The following EFEMP1 variants were observed in gnomAD, a reference collection of about 807,000 sequenced individuals.
EFEMP1 encodes the protein EGF-containing fibulin-like extracellular matrix protein 1.
In EFEMP1, 18 loss-of-function variants were observed where a neutral mutation model predicts 65.7. The observed-to-expected ratio is 0.27, with a 90% confidence interval of 0.19 to 0.41. The LOEUF (loss-of-function observed/expected upper bound fraction) is 0.41. EFEMP1 is among the 10% of genes least tolerant of loss of function. The pLI is 1.00. For missense variants in EFEMP1, 469 were observed against 624.8 expected (o/e 0.75, Z 2.66); for synonymous variants, 237 against 219.7 (o/e 1.08, Z -0.70).
rs1169070627 is a variant in EFEMP1, at chr2:55,873,072, ACACAC to A, written c.1000+1869_1000+1873del. ...TGTCTCTCTGTCTCTCTCTCCACAC[ACACAC>A]ACACACACACACACACACACACACA... On this transcript the variant is annotated intron_variant, in intron 9 of 11. Coordinates refer to ENST00000355426, the MANE Select transcript of EFEMP1 (RefSeq NM_001039348.3). The surrounding 1 kb of genome is among the most constrained non-coding windows in gnomAD (Gnocchi z 4.6). 7.1e-6 allele frequency among the ~76,000 whole-genome samples: 1 copy of A among 141,328 alleles called. No individual in the cohort carries two copies. Among genetic ancestry groups the A allele is most frequent in the East Asian group, 2.0e-4 (1 of 4,968 alleles). 92.7% of individuals were successfully genotyped at this position (141,328 alleles called of 152,430 possible).
chr2:55,905,337 A>G (rs1425748616), intron 5 of EFEMP1, among the ~76,000 whole-genome samples: 1 of 152,194 alleles, frequency 6.6e-6, no homozygotes, highest in African/African-American at 2.4e-5. Context: ...ATCTGAAACC[A>G]GAAACTATGT....
chr2:55,904,686 G>T (rs1440245215), intron 5 of EFEMP1, among the ~76,000 whole-genome samples: 1 of 152,106 alleles, frequency 6.6e-6, no homozygotes, highest in Non-Finnish European at 1.5e-5. Context: ...TTGGACTCTG[G>T]GACTTACACT....
Position 55,922,150 on chromosome 2 carries a change from C to T in EFEMP1, c.81+210G>A, listed in dbSNP as rs1426843848. On this transcript the variant is annotated intron_variant, in intron 3 of 11. Coordinates refer to ENST00000355426, the MANE Select transcript of EFEMP1 (RefSeq NM_001039348.3). The surrounding 1 kb of genome is among the most constrained non-coding windows in gnomAD (Gnocchi z 5.5). The stretch of plus-strand genomic sequence containing the variant: ...CTGCACAAATGATTACATGTTGGTT[C>T]CTATCTTAGGTGGTGAGCCCAATGA... 9.3e-6 allele frequency: 5 copies of T among 539,128 alleles called. No individual in the cohort carries two copies. Among genetic ancestry groups the T allele is most frequent in the African/African-American group, 1.9e-5 (1 of 52,336 alleles). 33.4% of individuals were successfully genotyped at this position (539,128 alleles called of 1,614,324 possible). A position where few individuals can be genotyped will look rare whatever the true frequency, so the allele number is the denominator to read the frequency against.
Position 55,867,078 on chromosome 2 carries a change from A to G in EFEMP1, c.1477T>C (p.Phe493Leu). Reference protein sequence around the residue: ...RLTIIVGPFSF With the variant: ...RLTIIVGPFSL ...TGGTTGACTCTTAGAAAAGACTAAAATGAAAATGGCCCCACTATTATTGTC... is the reference window on the plus strand; with the variant it reads ...TGGTTGACTCTTAGAAAAGACTAAAGTGAAAATGGCCCCACTATTATTGTC... The change falls in exon 12 of 12, where the codon TTT (phenylalanine) becomes CTT (leucine). Residue 493 changes from phenylalanine (F) to leucine (L), a missense_variant. Transcript: ENST00000355426. The surrounding 1 kb of genome is among the most constrained non-coding windows in gnomAD (Gnocchi z 4.3). The G allele has an allele frequency of 1.2e-6, 2 of 1,612,616 alleles. No individual in the cohort carries two copies. The highest frequency in any genetic ancestry group is 1.7e-6 in the Non-Finnish European group (2 of 1,179,844).
rs982445838 is a variant in EFEMP1 at position 55,923,385 on chromosome 2, C to T, written c.-49+326G>A. 1.3e-5 allele frequency among the ~76,000 whole-genome samples: 2 copies of T among 152,168 alleles called. No individual in the cohort carries two copies. Among genetic ancestry groups the T allele is most frequent in the Non-Finnish European group, 2.9e-5 (2 of 68,038 alleles). ...TCAGCGTCCCAGCTTCTAACCAGCTCCTATGGAATCCAGGTGCGGCTTAAA... is the reference window on the plus strand; with the variant it reads ...TCAGCGTCCCAGCTTCTAACCAGCTTCTATGGAATCCAGGTGCGGCTTAAA... On this transcript the variant is annotated intron_variant, in intron 1 of 11. Transcript: ENST00000355426. The surrounding 1 kb of genome is among the most constrained non-coding windows in gnomAD (Gnocchi z 5.3).
chr2:55,888,334 C>CTTTTTTTTTTTTTTTTTTTTTTTTTTTT (rs71713705), intron 5 of EFEMP1, among the ~76,000 whole-genome samples: 2 of 114,308 alleles, frequency 1.7e-5, no homozygotes, highest in African/African-American at 7.3e-5. Context: ...CCTTCTTAAA[C>CTTTTTTTTTTTTTTTTTTTTTTTTTTTT]TTTTTTTTTT....
chr2:55,870,514 A>T lies in EFEMP1; in HGVS notation c.1320+206T>A, dbSNP rs545015967. On this transcript the variant is annotated intron_variant, in intron 11 of 11. Transcript: ENST00000355426. This position sits in a 1 kb window ranked among gnomAD's most constrained non-coding sequence, Gnocchi z 5.8. ...CTTTTCTCCTCTGTAAAAAATGGAG[A>T]TGAATATTAATATCTATCTGGCAGT... Among the ~76,000 whole-genome samples the T allele has an allele frequency of 4.6e-5, 7 of 152,114 alleles. No individual in the cohort carries two copies. The highest frequency in any genetic ancestry group is 1.0e-4 in the Non-Finnish European group (7 of 68,006).
chr2:55,907,362 G>A (rs888345948), intron 5 of EFEMP1, among the ~76,000 whole-genome samples: 5 of 152,192 alleles, frequency 3.3e-5, no homozygotes, highest in Non-Finnish European at 4.4e-5. Context: ...TTTAGCCTAC[G>A]TAGGCAGGTT....
At chr2:55,920,800 G>T (rs958094983) in intron 3 of EFEMP1, among the ~76,000 whole-genome samples, 1 of 152,134 alleles carries the variant, frequency 6.6e-6, no homozygotes, top group East Asian at 1.9e-4. Context: ...ACACATTGCC[G>T]CAAGGATCAA....
chr2:55,904,813 T>C (rs1230724949), intron 5 of EFEMP1, among the ~76,000 whole-genome samples: 1 of 152,170 alleles, frequency 6.6e-6, no homozygotes, highest in African/African-American at 2.4e-5. Context: ...TTGGCTTCCA[T>C]AATCACATGA....
intron 11 of EFEMP1, among the ~76,000 whole-genome samples, chr2:55,868,859 C>A (rs17278665): frequency 6.6e-6 from 1 of 152,036 alleles, no homozygotes; most frequent in African/African-American, 2.4e-5. Flanking sequence ...ACCTAACTAA[C>A]CTGCTGTTGA....
chr2:55,894,247 T>C (rs1372873988), intron 5 of EFEMP1, among the ~76,000 whole-genome samples: 1 of 152,198 alleles, frequency 6.6e-6, no homozygotes, highest in Non-Finnish European at 1.5e-5. Context: ...GAAAAAGATA[T>C]GAAAAATGTA....
At chr2:55,874,370 A>AGCT (rs1244436613) in intron 9 of EFEMP1, among the ~76,000 whole-genome samples, 1 of 151,188 alleles carries the variant, frequency 6.6e-6, no homozygotes, top group Non-Finnish European at 1.5e-5. Context: ...CATTGTGGGG[A>AGCT]GCTGCCTCTT....
chr2:55,918,141 C>A lies in EFEMP1; in HGVS notation c.130+78G>T. ...ATGCTCATGCCTTTTTGGTATAACA[C>A]AGACAGGACAGGAAGAGTGACACAA... On this transcript the variant is annotated intron_variant, in intron 4 of 11. Coordinates refer to ENST00000355426, the MANE Select transcript of EFEMP1 (RefSeq NM_001039348.3). The A allele has an allele frequency of 1.4e-5, 22 of 1,612,838 alleles. No homozygotes were observed. The South Asian group carries it at 2.4e-4, about 18-fold the overall frequency.
At chr2:55,901,565 C>G (rs1397246294) in intron 5 of EFEMP1, among the ~76,000 whole-genome samples, 1 of 152,158 alleles carries the variant, frequency 6.6e-6, no homozygotes, top group Non-Finnish European at 1.5e-5. Context: ...GTCATACAGC[C>G]TCTTGCACTG....
intron 5 of EFEMP1, among the ~76,000 whole-genome samples, chr2:55,914,656 T>C (rs966431592): frequency 1.2e-4 from 18 of 152,220 alleles, no homozygotes; most frequent in African/African-American, 4.3e-4. Flanking sequence ...AAACTATACC[T>C]GCTAAAAAAT....
intron 6 of EFEMP1, 22 bp downstream of exon 6, chr2:55,881,590 C>G: frequency 4.3e-6 from 7 of 1,612,942 alleles, no homozygotes; most frequent in Non-Finnish European, 5.9e-6. Context: ...CAGGACCGTG[C>G]TCACTGCACT....
rs552314252 is a variant in EFEMP1, at chr2:55,921,501, C to T, written c.81+859G>A. 6.6e-6 allele frequency among the ~76,000 whole-genome samples: 1 copy of T among 152,284 alleles called. No individual in the cohort carries two copies. Among genetic ancestry groups the T allele is most frequent in the African/African-American group, 2.4e-5 (1 of 41,560 alleles). ...AAACTGGGAGCAGTAGAAAAATGTGCTTTTCATATTCCAATCCAGGACAAA... is the reference window on the plus strand; with the variant it reads ...AAACTGGGAGCAGTAGAAAAATGTGTTTTTCATATTCCAATCCAGGACAAA... On this transcript the variant is annotated intron_variant, in intron 3 of 11. Transcript: ENST00000355426. This position sits in a 1 kb window ranked among gnomAD's most constrained non-coding sequence, Gnocchi z 4.1.
At position 55,905,554 on chromosome 2, in the gene EFEMP1, T is replaced by A. The variant is rs370848228; in HGVS notation, c.517+12111A>T. ...CCTCCACCTCCCGGCTTCAAGCGAT[T>A]CTCCTGTCTCAGCCTCCTGAGTAGC... is the stretch of plus-strand genomic sequence containing the variant. On this transcript the variant is annotated intron_variant, in intron 5 of 11. Transcript: ENST00000355426. Among the ~76,000 whole-genome samples the A allele has an allele frequency of 5.3e-5, 8 of 152,262 alleles. No homozygotes were observed. In the East Asian group the frequency reaches 7.7e-4, roughly 15 times the overall value.
Sources: gnomAD v4.1 joint callset for allele counts (sites outside exome capture counted in the v4.1 genomes callset) on GRCh38, gnomAD v4.1.1 for gene constraint, Gnocchi (gnomAD v3.1) non-coding constraint, MANE v1.5 for transcripts, NCBI Gene and HGNC (gene_info 2026-07-23, HGNC 2026-07-21) for gene names.